The following MEP1A variants were observed in gnomAD, a reference collection of about 807,000 sequenced individuals.
MEP1A encodes N-benzoyl-L-tyrosyl-P-amino-benzoic acid hydrolase subunit alpha.
In MEP1A, 68 loss-of-function variants were observed where a neutral mutation model predicts 84.5. The observed-to-expected ratio is 0.80, with a 90% CI of 0.66 to 0.98. The LOEUF is 0.98. Ranked by LOEUF, MEP1A falls within the 50% of genes least tolerant of loss-of-function variation. The pLI is 0.00. For missense variants in MEP1A, 887 were observed against 919.9 expected (o/e 0.96, Z 0.46); for synonymous variants, 337 against 336.8 (o/e 1.00, Z -0.01).
rs1249212775 is a variant in MEP1A at position 46,833,252 on chromosome 6, C to A, written c.1323C>A (p.Phe441Leu). The change falls in exon 11 of 14, where the codon TTC becomes TTA. Residue 441 changes from phenylalanine (F) to leucine (L), a missense_variant. Phe to Leu is a conservative substitution (Grantham distance 22, BLOSUM62 0). Transcript: ENST00000230588. ...CPTGVWTVRNFSQVLENTSKG... is the reference protein window; with the variant it reads ...CPTGVWTVRNLSQVLENTSKG... The stretch of plus-strand genomic sequence containing the variant: ...CAGGGGTCTGGACAGTCCGGAATTT[C>A]TCCCAAGTCCTTGAGAACACCAGCA... 11 of 1,614,078 alleles carry A rather than the reference C, an allele frequency of 6.8e-6. No homozygotes were observed. Among genetic ancestry groups the A allele is most frequent in the African/African-American group, 1.3e-5 (1 of 74,920 alleles).
intron 9 of MEP1A, 78 bp from the exon 10 acceptor site, chr6:46,829,278 T>G: frequency 8.4e-7 from 1 of 1,183,778 alleles, no homozygotes; most frequent in South Asian, 1.2e-5. Context: ...TGTGGTTCAC[T>G]ATTTCACTTT....
intron 6 of MEP1A, among the ~76,000 whole-genome samples, chr6:46,815,020 ATCC>A (rs922370126): frequency 2.6e-5 from 4 of 152,120 alleles, no homozygotes; most frequent in Non-Finnish European, 4.4e-5. Flanking sequence ...TGTGTTGGCA[ATCC>A]TCCAGCCAGG....
chr6:46,809,290 T>G, intron 5 of MEP1A, 130 bp from the exon 6 acceptor site: 2 of 612,376 alleles, frequency 3.3e-6, no homozygotes, highest in Non-Finnish European at 5.4e-6. Context: ...GGAAATCTAT[T>G]TATTACCAAA....
intron 3 of MEP1A, among the ~76,000 whole-genome samples, chr6:46,797,378 A>G (rs2150738787): frequency 6.6e-6 from 1 of 152,302 alleles, no homozygotes; most frequent in South Asian, 2.1e-4. Context: ...TTTTCCTACA[A>G]AGATCTTCCC....
chr6:46,834,829 C>A, intron 12 of MEP1A, 78 bp downstream of exon 12: 1 of 1,148,164 alleles, frequency 8.7e-7, no homozygotes, highest in Non-Finnish European at 1.3e-6. Context: ...TTTTAAAGCA[C>A]ACACGGAGGG....
chr6:46,814,781 C>T (rs1767594767), intron 6 of MEP1A, among the ~76,000 whole-genome samples: 1 of 152,172 alleles, frequency 6.6e-6, no homozygotes, highest in Non-Finnish European at 1.5e-5. Context: ...AGGAATGGGG[C>T]TTCTTGAGAG....
intron 6 of MEP1A, among the ~76,000 whole-genome samples, chr6:46,816,411 A>G (rs2150748254): frequency 6.6e-6 from 1 of 152,210 alleles, no homozygotes; most frequent in East Asian, 1.9e-4. Flanking sequence ...TTGTCTTAAT[A>G]CATGACAATG....
rs2150760188 is a variant in MEP1A, at chr6:46,839,525, A to AAT, written c.*390_*391dup. The AAT allele has an allele frequency of 6.4e-6, 1 of 156,004 alleles. No homozygotes were observed. Among genetic ancestry groups the AAT allele is most frequent in the South Asian group, 2.0e-4 (1 of 4,888 alleles). 9.7% of individuals were successfully genotyped at this position (156,004 alleles called of 1,614,324 possible). ...CAATGGTTGAATGAATAAAACAATA[A>AAT]ATGAATGAATAACTAAGATATAGAA... is the stretch of plus-strand genomic sequence containing the variant. On this transcript the variant is annotated 3_prime_UTR_variant, in exon 14 of 14. Transcript: ENST00000230588.
chr6:46,802,461 A>G (rs2150741283), intron 5 of MEP1A, among the ~76,000 whole-genome samples: 1 of 151,996 alleles, frequency 6.6e-6, no homozygotes, highest in East Asian at 1.9e-4. Flanking sequence ...ATTAATTTTA[A>G]TTGTTGATTT....
At chr6:46,826,271 T>C in intron 8 of MEP1A, 83 bp from the exon 9 acceptor site, 1 of 1,251,836 alleles carries the variant, frequency 8.0e-7, no homozygotes, top group African/African-American at 1.5e-5. Flanking sequence ...ATCTGAACAA[T>C]GAGGTTTTAG....
At chr6:46,816,341 C>G (rs759380294) in intron 6 of MEP1A, among the ~76,000 whole-genome samples, 1 of 152,146 alleles carries the variant, frequency 6.6e-6, no homozygotes, top group Admixed American at 6.5e-5. Flanking sequence ...ATATGCAATA[C>G]GGTCTTAGCC....
At chr6:46,831,939 T>C (rs1378164921) in intron 10 of MEP1A, among the ~76,000 whole-genome samples, 1 of 152,128 alleles carries the variant, frequency 6.6e-6, no homozygotes, top group African/African-American at 2.4e-5. Context: ...ACCTCTCTCC[T>C]GTGTTCCCAT....
chr6:46,799,599 A>G (rs1273258537), intron 5 of MEP1A, among the ~76,000 whole-genome samples: 1 of 152,158 alleles, frequency 6.6e-6, no homozygotes, highest in African/African-American at 2.4e-5. Context: ...GAGAAATAGG[A>G]AAGTCCATAT....
At chr6:46,831,513 CT>C (rs1182416587) in intron 10 of MEP1A, among the ~76,000 whole-genome samples, 2 of 152,164 alleles carry the variant, frequency 1.3e-5, no homozygotes, top group Non-Finnish European at 2.9e-5. Context: ...TATTGCCTGA[CT>C]GATTTAGGGC....
intron 5 of MEP1A, among the ~76,000 whole-genome samples, chr6:46,808,815 G>A (rs1481801396): frequency 6.6e-6 from 1 of 152,032 alleles, no homozygotes; most frequent in East Asian, 1.9e-4. Context: ...AGTACTAGCT[G>A]TCTAGTCTTG....
chr6:46,807,416 A>G (rs1435008231), intron 5 of MEP1A, among the ~76,000 whole-genome samples: 2 of 151,020 alleles, frequency 1.3e-5, no homozygotes, highest in African/African-American at 4.9e-5. Context: ...TTGGCCACCT[A>G]TAATCTCAGC....
At chr6:46,807,960 G>A (rs1163913129) in intron 5 of MEP1A, among the ~76,000 whole-genome samples, 1 of 151,978 alleles carries the variant, frequency 6.6e-6, no homozygotes, top group Non-Finnish European at 1.5e-5. Flanking sequence ...TCCCAATAAT[G>A]TTGAGGTAGT....
chr6:46,823,559 C>T (rs961774961), intron 7 of MEP1A, among the ~76,000 whole-genome samples: 1 of 152,224 alleles, frequency 6.6e-6, no homozygotes, highest in Non-Finnish European at 1.5e-5. Context: ...TTGCAGTGAG[C>T]TGAGATCTTG....
chr6:46,817,936 C>G (rs186826692), intron 6 of MEP1A, among the ~76,000 whole-genome samples: 4 of 152,118 alleles, frequency 2.6e-5, no homozygotes, highest in Non-Finnish European at 5.9e-5. Context: ...GCACTGGTCT[C>G]CTGAAGTTGG....
Sources: gnomAD v4.1 joint callset for allele counts (sites outside exome capture counted in the v4.1 genomes callset) on GRCh38, gnomAD v4.1.1 for gene constraint, MANE v1.5 for transcripts, NCBI Gene and HGNC (gene_info 2026-07-23, HGNC 2026-07-21) for gene names.